Variants in DTHD1 observed in about 807,000 individuals in gnomAD.
DTHD1 encodes the protein death domain containing 1, also known as death domain-containing protein 1.
In DTHD1, 59 loss-of-function variants were observed where a neutral mutation model predicts 74.8. That is an observed-to-expected ratio of 0.79 (90% CI 0.64 to 0.98). The LOEUF is 0.98. Ranked by LOEUF, DTHD1 falls within the 50% of genes least tolerant of loss-of-function variation. DTHD1 has a pLI of 0.00. For missense variants in DTHD1, 1,051 were observed against 1,065.4 expected (o/e 0.99, Z 0.19); for synonymous variants, 365 against 371.1 (o/e 0.98, Z 0.19).
intron 9 of DTHD1, 23 bp downstream of exon 9, chr4:36,339,192 T>C: frequency 6.7e-7 from 1 of 1,502,800 alleles, no homozygotes; most frequent in East Asian, 2.5e-5. Flanking sequence ...TGCTTTGTCA[T>C]CATTATAGTG....
intron 8 of DTHD1, among the ~76,000 whole-genome samples, chr4:36,321,266 C>T (rs1012790953): frequency 1.3e-5 from 2 of 152,194 alleles, no homozygotes; most frequent in African/African-American, 4.8e-5. Context: ...GAAATGGTAG[C>T]AGTTCGTGGT....
chr4:36,325,290 C>T (rs1343708966), intron 8 of DTHD1, among the ~76,000 whole-genome samples: 1 of 152,178 alleles, frequency 6.6e-6, no homozygotes, highest in Non-Finnish European at 1.5e-5. Flanking sequence ...TCTACTGATA[C>T]TCTTGAAACT....
At chr4:36,323,417 C>A (rs1758150007) in intron 8 of DTHD1, among the ~76,000 whole-genome samples, 1 of 151,756 alleles carries the variant, frequency 6.6e-6, no homozygotes, top group Admixed American at 6.6e-5. Flanking sequence ...TATGAAATAC[C>A]AAAGCAATTT....
At chr4:36,318,866 G>C (rs963106086) in intron 8 of DTHD1, among the ~76,000 whole-genome samples, 1 of 152,072 alleles carries the variant, frequency 6.6e-6, no homozygotes, top group East Asian at 1.9e-4. Flanking sequence ...CGCCCGCCTC[G>C]GCCTCCCGAA....
intron 2 of DTHD1, among the ~76,000 whole-genome samples, chr4:36,284,859 G>T (rs868175646): frequency 1.3e-5 from 2 of 152,086 alleles, no homozygotes; most frequent in Non-Finnish European, 2.9e-5. Context: ...AAGTGAACAA[G>T]CTCCCTTGGG....
Position 36,284,068 on chromosome 4 carries a change from A to G in DTHD1, c.364A>G (p.Asn122Asp), listed in dbSNP as rs1474680349. 1 of 1,537,216 alleles carries G rather than the reference A, an allele frequency of 6.5e-7. No individual in the cohort carries two copies. Among genetic ancestry groups the G allele is most frequent in the Non-Finnish European group, 8.7e-7 (1 of 1,146,874 alleles). The change falls in exon 2 of 10, where the codon AAT (asparagine) becomes GAT (aspartate). Residue 122 changes from asparagine to aspartate, a missense_variant. Physicochemically the swap from Asn to Asp is conservative, Grantham distance 23 (BLOSUM62 1). Coordinates refer to ENST00000639862, the MANE Select transcript of DTHD1 (RefSeq NM_001170700.3). Reference sequence around the variant, plus strand: ...AAAGAAAGAAGAAAAGGAGATTTGTAATTTATGCGGCATGCATGATGAATG... The same window carrying G: ...AAAGAAAGAAGAAAAGGAGATTTGTGATTTATGCGGCATGCATGATGAATG... Reference protein sequence around the residue: ...LLKKEEKEICNLCGMHDECTP... With the variant: ...LLKKEEKEICDLCGMHDECTP...
rs923229515 is a variant in DTHD1, at chr4:36,346,043, C to T, written c.*2219C>T. 6.6e-6 allele frequency among the ~76,000 whole-genome samples: 1 copy of T among 151,946 alleles called. No homozygotes were observed. The highest frequency in any genetic ancestry group is 2.4e-5 in the African/African-American group (1 of 41,366). ...ATATGCTGTCACAAACACACCCCTC[C>T]TGCACACCCAGCTCCCAACTCTCTC... On this transcript the variant is annotated 3_prime_UTR_variant, in exon 10 of 10. Coordinates refer to ENST00000639862, the MANE Select transcript of DTHD1 (RefSeq NM_001170700.3).
chr4:36,320,325 C>A (rs955539334), intron 8 of DTHD1, among the ~76,000 whole-genome samples: 13 of 152,178 alleles, frequency 8.5e-5, no homozygotes, highest in Non-Finnish European at 1.3e-4. Context: ...AGACACTGTC[C>A]AGCTCAACTC....
rs1185556863 is a variant in DTHD1 at position 36,308,352 on chromosome 4, G to T, written c.1954G>T (p.Val652Leu). 6.4e-7 allele frequency: 1 copy of T among 1,551,864 alleles called. No individual in the cohort carries two copies. The highest frequency in any genetic ancestry group is 2.4e-5 in the East Asian group (1 of 40,924). Reference protein sequence around the residue: ...DNPHRIAVLVVPSKDLSQVLK... With the variant: ...DNPHRIAVLVLPSKDLSQVLK... ...TCCACATAGAATAGCTGTTTTAGTG[G>T]TGCCTTCCAAAGATTTAAGCCAGGT... The change falls in exon 7 of 10, where the codon GTG becomes TTG. Residue 652 changes from valine to leucine, a missense_variant. Physicochemically the swap from Val to Leu is conservative, Grantham distance 32. Transcript: ENST00000639862.
At chr4:36,340,418 G>T (rs1253919709) in intron 9 of DTHD1, among the ~76,000 whole-genome samples, 3 of 152,150 alleles carry the variant, frequency 2.0e-5, no homozygotes, top group African/African-American at 7.2e-5. Flanking sequence ...GAGTCAGCAA[G>T]GCAGGAAAGT....
intron 8 of DTHD1, among the ~76,000 whole-genome samples, chr4:36,321,420 C>A (rs995432123): frequency 6.6e-6 from 1 of 152,146 alleles, no homozygotes; most frequent in African/African-American, 2.4e-5. Flanking sequence ...GGAGTGCAAA[C>A]CCTATTGTGA....
intron 9 of DTHD1, among the ~76,000 whole-genome samples, chr4:36,342,693 G>A (rs1759384667): frequency 6.6e-6 from 1 of 151,882 alleles, no homozygotes; most frequent in South Asian, 2.1e-4. Context: ...GGATGTGTGT[G>A]AGGATTGGCT....
In DTHD1 at chr4:36,294,900, A is replaced by G. The variant is rs1756303107; in HGVS notation, c.1504A>G (p.Thr502Ala). ...SPLIHIQHPS[T>A]YPFQKPVTLF... ...TCTGATTCACATTCAGCACCCATCA[A>G]CTTATCCTTTTCAGAAGCCAGTCAC... Residue 502 changes from threonine to alanine, a missense_variant, in exon 5 of 10, where the codon ACT (threonine) becomes GCT (alanine). Coordinates refer to ENST00000639862, the MANE Select transcript of DTHD1 (RefSeq NM_001170700.3). 2 of 1,551,976 alleles carry G rather than the reference A, an allele frequency of 1.3e-6. No individual in the cohort carries two copies. The highest frequency in any genetic ancestry group is 2.4e-5 in the South Asian group (2 of 84,052).
At chr4:36,304,774 T>C (rs1160242154) in intron 5 of DTHD1, among the ~76,000 whole-genome samples, 1 of 152,234 alleles carries the variant, frequency 6.6e-6, no homozygotes, top group Non-Finnish European at 1.5e-5. Flanking sequence ...ACAGTGAACC[T>C]CTGCTTTCTC....
Position 36,281,635 on chromosome 4 carries a change from G to A in DTHD1, c.-124G>A. The A allele has an allele frequency of 1.6e-6, 2 of 1,227,510 alleles. No homozygotes were observed. Among genetic ancestry groups the A allele is most frequent in the Non-Finnish European group, 2.0e-6 (2 of 983,954 alleles). The allele number at this position is 1,227,510 out of a possible 1,614,324, so 76.0% of individuals were successfully genotyped here. The stretch of plus-strand genomic sequence containing the variant: ...TGAATAACCACTATGTTGTGAGAAA[G>A]TGCTGGGCTAGCTGACTCGGATCAT... On this transcript the variant is annotated 5_prime_UTR_variant, in exon 1 of 10. The change creates a new upstream start codon in the 5' untranslated region. Transcript: ENST00000639862.
intron 5 of DTHD1, among the ~76,000 whole-genome samples, chr4:36,299,618 G>T (rs1478723402): frequency 6.6e-6 from 1 of 152,098 alleles, no homozygotes; most frequent in African/African-American, 2.4e-5. Flanking sequence ...CTTCTCCATT[G>T]TATGCACTCT....
rs377740589 is a variant in DTHD1, at chr4:36,284,462, C to T, written c.758C>T (p.Thr253Ile). 2 of 1,537,028 alleles carry T rather than the reference C, an allele frequency of 1.3e-6. No homozygotes were observed. The highest frequency in any genetic ancestry group is 3.9e-5 in the Admixed American group (2 of 50,988). ...IQTTETEIQE[T>I]SESPREEMTT... is the part of the protein sequence containing the mutation. ...ACAACAGAGACAGAAATTCAAGAGACTTCAGAAAGCCCAAGAGAAGAGATG... is the reference window on the plus strand; with the variant it reads ...ACAACAGAGACAGAAATTCAAGAGATTTCAGAAAGCCCAAGAGAAGAGATG... The change falls in exon 2 of 10, where the codon ACT becomes ATT. Residue 253 changes from threonine (T) to isoleucine (I), a missense_variant. Coordinates refer to ENST00000639862, the MANE Select transcript of DTHD1 (RefSeq NM_001170700.3).
At chr4:36,313,982 C>G (rs1288801811) in intron 7 of DTHD1, among the ~76,000 whole-genome samples, 4 of 150,750 alleles carry the variant, frequency 2.7e-5, no homozygotes. Context: ...TTAAATGACC[C>G]CAAATAGTCT....
chr4:36,295,098 T>C, intron 5 of DTHD1, 59 bp downstream of exon 5: 1 of 1,406,934 alleles, frequency 7.1e-7, no homozygotes, highest in Non-Finnish European at 9.3e-7. Context: ...GCTTAGATGA[T>C]TAAAACTTGC....
Sources: gnomAD v4.1 joint callset for allele counts (sites outside exome capture counted in the v4.1 genomes callset) on GRCh38, gnomAD v4.1.1 for gene constraint, MANE v1.5 for transcripts, NCBI Gene and HGNC (gene_info 2026-07-23, HGNC 2026-07-21) for gene names.